Variants in FN3KRP observed in about 807,000 individuals in gnomAD.
FN3KRP encodes fructosamine 3 kinase related protein.
In FN3KRP, 33 loss-of-function variants were observed where a neutral mutation model predicts 29.8. That is an observed-to-expected ratio of 1.11 (90% CI 0.84 to 1.48). The LOEUF is 1.48. Among genes scored for constraint, FN3KRP ranks in the 40% most tolerant of loss-of-function variants. FN3KRP has a pLI of 0.00. For missense variants in FN3KRP, 430 were observed against 402.6 expected (o/e 1.07, Z -0.58); for synonymous variants, 157 against 155.2 (o/e 1.01, Z -0.09).
chr17:82,723,609 G>A (rs544373640), intron 4 of FN3KRP, among the ~76,000 whole-genome samples: 3,576 of 143,396 alleles, frequency 0.025, 142 homozygotes, highest in African/African-American at 0.083. Context: ...GTATGTGCAC[G>A]CATGTGTGCA....
intron 4 of FN3KRP, among the ~76,000 whole-genome samples, chr17:82,723,608 C>T (rs3859204): frequency 0.4 from 58,353 of 146,104 alleles, 12,167 homozygotes; most frequent in Admixed American, 0.55. Flanking sequence ...TGTATGTGCA[C>T]GCATGTGTGC....
chr17:82,718,154 GTGTTGTGTGTCTGTATA>G (rs1270579700), intron 1 of FN3KRP, among the ~76,000 whole-genome samples: 2 of 150,904 alleles, frequency 1.3e-5, no homozygotes, highest in African/African-American at 4.9e-5. Context: ...TGTTGTGTGT[GTGTTGTGTGTCTGTATA>G]TGTTGTGTGT....
chr17:82,720,295 A>G lies in FN3KRP; in HGVS notation c.317A>G (p.Gln106Arg). The change falls in exon 3 of 6, where the codon CAG becomes CGG. Residue 106 changes from glutamine to arginine, a missense_variant. Physicochemically the swap from Gln to Arg is conservative, Grantham distance 43. Transcript: ENST00000269373. ...AGTCATGCTGCAAAGCTTGGAGCCCAGCTGGCCGATTTACACCTTGATAAC... is the reference window on the plus strand; with the variant it reads ...AGTCATGCTGCAAAGCTTGGAGCCCGGCTGGCCGATTTACACCTTGATAAC... ...LSSHAAKLGA[Q>R]LADLHLDNKK... The G allele has an allele frequency of 2.5e-6, 4 of 1,614,118 alleles. No individual in the cohort carries two copies. Among genetic ancestry groups the G allele is most frequent in the Non-Finnish European group, 3.4e-6 (4 of 1,180,004 alleles).
intron 4 of FN3KRP, among the ~76,000 whole-genome samples, chr17:82,723,984 C>A (rs1317860140): frequency 6.7e-6 from 1 of 149,538 alleles, no homozygotes. Flanking sequence ...GCTTTAGCAG[C>A]AAAAAAAAAA....
In FN3KRP at chr17:82,726,607, G is replaced by A. The variant is rs780481749; in HGVS notation, c.591+5G>A. ...CAGCTTTGGTCTGCTCTGCAGGTGA[G>A]TGGGGCCCCACTGCATGCCCAGCAC... On this transcript the variant is annotated splice_donor_5th_base_variant and intron_variant, in intron 5 of 5. Coordinates refer to ENST00000269373, the MANE Select transcript of FN3KRP (RefSeq NM_024619.4). 5 of 1,609,824 alleles carry A rather than the reference G, an allele frequency of 3.1e-6. No individual in the cohort carries two copies. The South Asian group carries it at 5.5e-5, about 18-fold the overall frequency.
chr17:82,726,759 C>A, intron 5 of FN3KRP, 74 bp from the exon 6 acceptor site: 1 of 1,477,754 alleles, frequency 6.8e-7, no homozygotes, highest in Non-Finnish European at 9.1e-7. Flanking sequence ...GGGCTGGGGG[C>A]GGTGGGGACC....
At chr17:82,721,515 T>C (rs1157541656) in intron 3 of FN3KRP, among the ~76,000 whole-genome samples, 1 of 152,104 alleles carries the variant, frequency 6.6e-6, no homozygotes, top group African/African-American at 2.4e-5. Context: ...TTTATTTTAT[T>C]TTTTTGAGAA....
At chr17:82,719,208 T>C in intron 2 of FN3KRP, 151 bp downstream of exon 2, 3 of 681,420 alleles carry the variant, frequency 4.4e-6, no homozygotes, top group Non-Finnish European at 7.5e-6. Flanking sequence ...GCTGGCTTCA[T>C]GCCCCGCCCC....
intron 4 of FN3KRP, among the ~76,000 whole-genome samples, chr17:82,725,298 T>A (rs940813256): frequency 1.3e-5 from 2 of 151,806 alleles, no homozygotes; most frequent in Admixed American, 6.6e-5. Flanking sequence ...TTGGCTAATT[T>A]TTTAATTTTT....
intron 1 of FN3KRP, among the ~76,000 whole-genome samples, chr17:82,717,285 T>C (rs1331811670): frequency 6.6e-6 from 1 of 152,172 alleles, no homozygotes; most frequent in East Asian, 1.9e-4. Context: ...GGGAAGCTGC[T>C]TAAGTCCTCA....
At chr17:82,717,244 C>A (rs1568058055) in intron 1 of FN3KRP, among the ~76,000 whole-genome samples, 1 of 152,164 alleles carries the variant, frequency 6.6e-6, no homozygotes, top group African/African-American at 2.4e-5. Flanking sequence ...TCCTGCCCTG[C>A]GGTGCTGGTT....
At chr17:82,722,714 C>T in intron 3 of FN3KRP, 90 bp from the exon 4 acceptor site, 1 of 1,305,982 alleles carries the variant, frequency 7.7e-7, no homozygotes, top group East Asian at 2.3e-5. Flanking sequence ...TAGGAGCTCG[C>T]TGAGGTCGTG....
chr17:82,727,339 T>G lies in FN3KRP; in HGVS notation c.*168T>G. ...AGGAAAGGTTTTGTCATCCCAGCGT[T>G]GTCCACTTTGTGGGGCTTTGTAGGT... is the stretch of plus-strand genomic sequence containing the variant. On this transcript the variant is annotated 3_prime_UTR_variant, in exon 6 of 6. Coordinates refer to ENST00000269373, the MANE Select transcript of FN3KRP (RefSeq NM_024619.4). 1.6e-6 allele frequency: 1 copy of G among 639,776 alleles called. No individual in the cohort carries two copies. Among genetic ancestry groups the G allele is most frequent in the Non-Finnish European group, 2.6e-6 (1 of 381,788 alleles). The allele number at this position is 639,776 out of a possible 1,614,324, so 39.6% of individuals were successfully genotyped here.
In FN3KRP at chr17:82,722,896, C is replaced by T. The variant is rs372108103; in HGVS notation, c.468+10C>T. 5.1e-5 allele frequency: 83 copies of T among 1,612,418 alleles called. No individual in the cohort carries two copies. Among genetic ancestry groups the T allele is most frequent in the Middle Eastern group, 1.6e-4 (1 of 6,080 alleles). ...TGGATACCTCCCCCAGGTGAGTGCACGGCGTTTGCTTCTATTTCACAATCA... is the reference window on the plus strand; with the variant it reads ...TGGATACCTCCCCCAGGTGAGTGCATGGCGTTTGCTTCTATTTCACAATCA... On this transcript the variant is annotated intron_variant, in intron 4 of 5. Transcript: ENST00000269373.
At chr17:82,720,736 C>A (rs1176633232) in intron 3 of FN3KRP, 1 of 157,262 alleles carries the variant, frequency 6.4e-6, no homozygotes, top group Non-Finnish European at 1.3e-5. Flanking sequence ...CTCAGAATTA[C>A]AGCCATCATG....
chr17:82,718,117 ATGTTGTGTG>A (rs948406355), intron 1 of FN3KRP, among the ~76,000 whole-genome samples: 19 of 141,062 alleles, frequency 1.3e-4, no homozygotes, highest in Admixed American at 1.1e-3. Flanking sequence ...TGTAAGTCGT[ATGTTGTGTG>A]TGTTGTGTGT....
chr17:82,719,124 T>G, intron 2 of FN3KRP, 67 bp downstream of exon 2: 2 of 1,434,086 alleles, frequency 1.4e-6, no homozygotes, highest in Non-Finnish European at 1.9e-6. Context: ...CACCTTGTTT[T>G]ATTATGTGTG....
rs781530963 is a variant in FN3KRP at position 82,720,310 on chromosome 17, A to C, written c.332A>C (p.His111Pro). 6.8e-6 allele frequency: 11 copies of C among 1,613,910 alleles called. No individual in the cohort carries two copies. The East Asian group carries it at 2.0e-4, about 29-fold the overall frequency. The change falls in exon 3 of 6, where the codon CAC becomes CCC. Residue 111 changes from histidine (H) to proline (P), a missense_variant. By Grantham distance (77) the His-to-Pro change is moderately conservative (BLOSUM62 -2). Transcript: ENST00000269373. ...AKLGAQLADL[H>P]LDNKKLGEMR... ...CTTGGAGCCCAGCTGGCCGATTTAC[A>C]CCTTGATAACAAGAAGCTTGGAGAG...
intron 2 of FN3KRP, among the ~76,000 whole-genome samples, chr17:82,719,441 A>G (rs2046783176): frequency 6.6e-6 from 1 of 152,260 alleles, no homozygotes; most frequent in Non-Finnish European, 1.5e-5. Flanking sequence ...GGAATCTCCC[A>G]AAGTGAGATG....
Sources: allele counts gnomAD v4.1 joint callset (sites outside exome capture counted in the v4.1 genomes callset), GRCh38; gene constraint gnomAD v4.1.1; transcripts MANE v1.5; gene names NCBI Gene and HGNC (gene_info 2026-07-23, HGNC 2026-07-21).